RARB: variants seen among roughly 807,000 people sequenced by gnomAD.
The protein encoded by RARB is HBV-activated protein.
Under a neutral mutation model 51.9 loss-of-function variants are expected in RARB, and 17 were observed. The observed-to-expected ratio is 0.33, with a 90% CI of 0.22 to 0.49. The LOEUF is 0.49. Among genes scored for constraint, RARB ranks in the 20% least tolerant of loss-of-function variants. The probability of loss-of-function intolerance (pLI) is 0.99; values close to 1 mark genes in which losing one functional copy is unlikely to be tolerated. For synonymous variants in RARB, 215 were observed against 195.4 expected (o/e 1.10, Z -0.84); for missense variants, 369 against 550.8 (o/e 0.67, Z 3.30).
intron 3 of RARB, among the ~76,000 whole-genome samples, chr3:25,118,241 G>T (rs1042236165): frequency 6.6e-6 from 1 of 152,048 alleles, no homozygotes; most frequent in Admixed American, 6.6e-5. Context: ...CCCCAATATG[G>T]ACCAGTACAT....
intron 3 of RARB, among the ~76,000 whole-genome samples, chr3:25,549,763 T>C (rs1699770143): frequency 6.6e-6 from 1 of 152,192 alleles, no homozygotes; most frequent in South Asian, 2.1e-4. Context: ...TGCTGCCATT[T>C]ATTGAGTGCT....
intron 5 of RARB, among the ~76,000 whole-genome samples, chr3:25,248,360 T>G (rs1284675831): frequency 6.6e-6 from 1 of 152,214 alleles, no homozygotes; most frequent in African/African-American, 2.4e-5. Context: ...TTAATCTGTT[T>G]ACATTCAAGA....
intron 2 of RARB, among the ~76,000 whole-genome samples, chr3:24,863,895 G>T (rs1449806144): frequency 6.6e-6 from 1 of 151,932 alleles, no homozygotes; most frequent in Non-Finnish European, 1.5e-5. Flanking sequence ...GCCCATGTGT[G>T]AGGATGGAGG....
chr3:25,421,413 T>G (rs1707859435), intron 5 of RARB, among the ~76,000 whole-genome samples: 1 of 136,684 alleles, frequency 7.3e-6, no homozygotes, highest in Non-Finnish European at 1.6e-5. Flanking sequence ...CTTTTTTTTT[T>G]TTTTTTTTTT....
At chr3:25,206,782 C>A (rs1701560216) in intron 5 of RARB, among the ~76,000 whole-genome samples, 1 of 152,182 alleles carries the variant, frequency 6.6e-6, no homozygotes, top group Non-Finnish European at 1.5e-5. Context: ...TGCCCGATAG[C>A]TTCCAAGAGA....
At chr3:25,079,098 C>T (rs1698936932) in intron 3 of RARB, among the ~76,000 whole-genome samples, 1 of 151,812 alleles carries the variant, frequency 6.6e-6, no homozygotes, top group African/African-American at 2.4e-5. Flanking sequence ...AGTGTTGACG[C>T]TTACACATAT....
intron 2 of RARB, among the ~76,000 whole-genome samples, chr3:24,927,005 C>G (rs1006108408): frequency 6.6e-6 from 1 of 152,082 alleles, no homozygotes; most frequent in African/African-American, 2.4e-5. Context: ...ACACATAAGA[C>G]TCTCAAAGAT....
chr3:25,254,540 C>T (rs1461726968), intron 5 of RARB, among the ~76,000 whole-genome samples: 3 of 152,062 alleles, frequency 2.0e-5, no homozygotes, highest in African/African-American at 2.4e-5. Context: ...ACTACCTTAG[C>T]AGCCAAATGG....
intron 5 of RARB, among the ~76,000 whole-genome samples, chr3:25,271,999 G>T (rs1703267672): frequency 6.6e-6 from 1 of 152,036 alleles, no homozygotes; most frequent in African/African-American, 2.4e-5. Flanking sequence ...ATCACATGTG[G>T]TTATTTAAGT....
rs1023198487 is a variant in RARB, at chr3:25,201,114, C to G, written c.178+26539C>G. On this transcript the variant is annotated intron_variant, in intron 5 of 11. Coordinates refer to the RARB transcript ENST00000383772. ...CCATTTGTTTGTGTCCTTGAACAGT[C>G]GTTTGTAGTTCTCCTTGAAGAGTTC... Among the ~76,000 whole-genome samples the G allele has an allele frequency of 1.0e-4, 15 of 150,542 alleles. 1 individual carries two copies. In the East Asian group the frequency reaches 2.4e-3, roughly 24 times the overall value.
intron 5 of RARB, among the ~76,000 whole-genome samples, chr3:25,251,733 A>G (rs2125402131): frequency 1.3e-5 from 2 of 152,254 alleles, no homozygotes; most frequent in African/African-American, 4.8e-5. Context: ...GCTGAGTTGT[A>G]AGAATTTTTT....
intron 5 of RARB, among the ~76,000 whole-genome samples, chr3:25,342,671 C>T (rs1575326447): frequency 6.6e-6 from 1 of 152,154 alleles, no homozygotes; most frequent in East Asian, 1.9e-4. Flanking sequence ...CTATTTAAGC[C>T]ACTGTAATTA....
At chr3:25,457,469 A>G (rs1277103881) in intron 1 of RARB, among the ~76,000 whole-genome samples, 2 of 152,220 alleles carry the variant, frequency 1.3e-5, no homozygotes, top group South Asian at 2.1e-4. Flanking sequence ...ACTATTGATT[A>G]CTTACAATAG....
intron 2 of RARB, among the ~76,000 whole-genome samples, chr3:24,942,235 T>G (rs546837835): frequency 1.3e-5 from 2 of 152,304 alleles, no homozygotes; most frequent in East Asian, 3.9e-4. Flanking sequence ...GTCACTGCAT[T>G]AGGTGTTGGG....
chr3:25,279,731 A>ATGGTTGAG (rs1275098369), intron 5 of RARB, among the ~76,000 whole-genome samples: 1 of 152,130 alleles, frequency 6.6e-6, no homozygotes, highest in Non-Finnish European at 1.5e-5. Context: ...GGTGGTGAGG[A>ATGGTTGAG]TGGTTGAGGA....
At chr3:25,463,287 C>T (rs1695275485) in intron 2 of RARB, among the ~76,000 whole-genome samples, 1 of 152,130 alleles carries the variant, frequency 6.6e-6, no homozygotes, top group African/African-American at 2.4e-5. Flanking sequence ...TGTCTGATTG[C>T]CTATGAACAC....
intron 2 of RARB, among the ~76,000 whole-genome samples, chr3:25,053,996 C>T (rs146890043): frequency 0.016 from 2,464 of 152,156 alleles, 48 homozygotes; most frequent in South Asian, 0.023. Flanking sequence ...CTGGGCCTGG[C>T]GCAGGTCATT....
rs182734812 is a variant in RARB, at chr3:25,042,868, C to T, written c.-379-17257C>T. 4.6e-5 allele frequency among the ~76,000 whole-genome samples: 7 copies of T among 152,344 alleles called. No individual in the cohort carries two copies. In the East Asian group the frequency reaches 1.2e-3, roughly 25 times the overall value. On this transcript the variant is annotated intron_variant, in intron 2 of 11. Coordinates refer to the RARB transcript ENST00000383772. ...ATATATCCCCATTTCCTCTACCCCT[C>T]CAGCCCCTGACAACCACTTTTCTAC...
chr3:25,584,608 G>A (rs1701310658), intron 5 of RARB, among the ~76,000 whole-genome samples: 1 of 152,178 alleles, frequency 6.6e-6, no homozygotes, highest in Non-Finnish European at 1.5e-5. Flanking sequence ...GGAAGTGAGT[G>A]TGCCTGGAAG....
Sources: allele counts gnomAD v4.1 joint callset (sites outside exome capture counted in the v4.1 genomes callset), GRCh38; gene constraint gnomAD v4.1.1; transcripts MANE v1.5; gene names NCBI Gene and HGNC (gene_info 2026-07-23, HGNC 2026-07-21).